NEGR1: variants seen among roughly 807,000 people sequenced by gnomAD.
NEGR1 encodes IgLON family member 4.
A neutral mutation model predicts 40.9 loss-of-function variants in NEGR1; 10 were observed. The observed-to-expected ratio is 0.24, with a 90% CI of 0.15 to 0.42. The LOEUF (loss-of-function observed/expected upper bound fraction) is 0.42. Ranked by LOEUF, NEGR1 falls within the 10% of genes least tolerant of loss-of-function variation. NEGR1 has a pLI of 1.00. For synonymous variants in NEGR1, 185 were observed against 166.8 expected, an observed-to-expected ratio of 1.11 and a Z score of -0.84; for missense variants, 352 against 438.9, an observed-to-expected ratio of 0.80 and a Z score of 1.77.
intron 1 of NEGR1, among the ~76,000 whole-genome samples, chr1:72,174,431 CATTATAGT>C (rs1361279262): frequency 1.2e-4 from 18 of 152,090 alleles, no homozygotes; most frequent in Non-Finnish European, 1.9e-4. Flanking sequence ...ATGTATCCAC[CATTATAGT>C]ATTATAGAGC....
chr1:71,801,276 T>C (rs1362904387), intron 2 of NEGR1, among the ~76,000 whole-genome samples: 2 of 152,174 alleles, frequency 1.3e-5, no homozygotes, highest in African/African-American at 4.8e-5. Flanking sequence ...ATCTCAAGCA[T>C]AGATTGTTGG....
chr1:71,749,630 G>A (rs563299606), intron 3 of NEGR1, among the ~76,000 whole-genome samples: 11 of 152,078 alleles, frequency 7.2e-5, no homozygotes, highest in African/African-American at 2.2e-4. Context: ...TCCCCATCTC[G>A]CAGAAGCTAC....
intron 6 of NEGR1, among the ~76,000 whole-genome samples, chr1:71,443,909 AG>A (rs1433404938): frequency 6.6e-6 from 1 of 152,224 alleles, no homozygotes; most frequent in Non-Finnish European, 1.5e-5. Context: ...AGAGGATAAA[AG>A]TGAGAAGTTA....
chr1:71,708,881 G>T (rs1653989877), intron 3 of NEGR1, among the ~76,000 whole-genome samples: 1 of 152,138 alleles, frequency 6.6e-6, no homozygotes. Flanking sequence ...TGAGGATAAT[G>T]GCTTCCAGTT....
chr1:71,734,216 A>G (rs111427019), intron 3 of NEGR1, among the ~76,000 whole-genome samples: 4,610 of 152,316 alleles, frequency 0.03, 88 homozygotes, highest in Middle Eastern at 0.065. Flanking sequence ...TACTGGCTGC[A>G]CAAGTAAGAC....
chr1:71,662,189 A>G (rs1652081580), intron 4 of NEGR1, among the ~76,000 whole-genome samples: 1 of 152,218 alleles, frequency 6.6e-6, no homozygotes, highest in Non-Finnish European at 1.5e-5. Context: ...TGATCACTCT[A>G]AGCCTCAGTT....
chr1:71,556,988 G>C (rs1447420169), intron 6 of NEGR1, among the ~76,000 whole-genome samples: 1 of 151,586 alleles, frequency 6.6e-6, no homozygotes, highest in African/African-American at 2.4e-5. Context: ...ATTTTGCAAA[G>C]TATGAAAATG....
At chr1:72,039,248 G>A (rs993476716) in intron 1 of NEGR1, among the ~76,000 whole-genome samples, 1 of 151,976 alleles carries the variant, frequency 6.6e-6, no homozygotes, top group African/African-American at 2.4e-5. Flanking sequence ...ATTGTGCTAA[G>A]GACATTAGCT....
chr1:71,924,498 T>G (rs1286301744), intron 2 of NEGR1, among the ~76,000 whole-genome samples: 1 of 152,148 alleles, frequency 6.6e-6, no homozygotes, highest in Admixed American at 6.5e-5. Flanking sequence ...CTGTCCTTCC[T>G]CAAGTCTTCA....
intron 5 of NEGR1, among the ~76,000 whole-genome samples, chr1:71,597,472 CTG>C (rs1553152644): frequency 0.015 from 466 of 31,306 alleles, 4 homozygotes; most frequent in African/African-American, 0.043. Flanking sequence ...CTCTCTCTCT[CTG>C]TGTGTGTGTG....
chr1:72,126,252 C>A (rs1400912710), intron 1 of NEGR1, among the ~76,000 whole-genome samples: 2 of 151,940 alleles, frequency 1.3e-5, no homozygotes, highest in East Asian at 3.9e-4. Flanking sequence ...CTGACCTTTG[C>A]AAACTCCAAG....
chr1:71,947,787 A>G (rs11209874), intron 1 of NEGR1, among the ~76,000 whole-genome samples: 5,596 of 151,472 alleles, frequency 0.037, 347 homozygotes, highest in African/African-American at 0.13. Flanking sequence ...AAAAAAAAAA[A>G]ATATGGAAAT....
intron 3 of NEGR1, among the ~76,000 whole-genome samples, chr1:71,775,513 T>G (rs1474951928): frequency 1.3e-5 from 2 of 151,676 alleles, no homozygotes; most frequent in East Asian, 4.0e-4. Context: ...ACCCTTCTAA[T>G]TTTTGTATTT....
At chr1:72,187,036 A>G (rs1652637305) in intron 1 of NEGR1, among the ~76,000 whole-genome samples, 1 of 151,568 alleles carries the variant, frequency 6.6e-6, no homozygotes, top group South Asian at 2.1e-4. Context: ...TTCAAAGACA[A>G]TCTTTTAGGA....
At chr1:72,275,147 C>A (rs1259174417) in intron 1 of NEGR1, 5 of 677,730 alleles carry the variant, frequency 7.4e-6, no homozygotes, top group South Asian at 1.7e-5. Flanking sequence ...TACGATGCCA[C>A]CCATGTGTTT....
At chr1:71,530,824 A>C (rs894101095) in intron 6 of NEGR1, among the ~76,000 whole-genome samples, 6 of 151,196 alleles carry the variant, frequency 4.0e-5, no homozygotes, top group African/African-American at 1.5e-4. Context: ...AAGGCTAAGC[A>C]GTCCAAATTT....
chr1:71,793,267 T>TATATATATATATACATA (rs1657183144), intron 2 of NEGR1, among the ~76,000 whole-genome samples: 1 of 138,160 alleles, frequency 7.2e-6, no homozygotes, highest in Non-Finnish European at 1.5e-5. Flanking sequence ...TGAAACCATA[T>TATATATATATATACATA]ATATATATAT....
At chr1:71,766,827 G>C (rs4650121) in intron 3 of NEGR1, among the ~76,000 whole-genome samples, 113,445 of 151,948 alleles carry the variant, frequency 0.75, 44,268 homozygotes, top group East Asian at 0.86. Flanking sequence ...GTTCTTGTGA[G>C]AGAGTTCTCA....
Position 72,242,401 on chromosome 1 carries a change from C to CA in NEGR1, c.176+39917dup, listed in dbSNP as rs1368930902. Among the ~76,000 whole-genome samples the CA allele has an allele frequency of 1.6e-4, 24 of 151,434 alleles. No individual in the cohort carries two copies. In the Admixed American group the frequency reaches 1.6e-3, roughly 10 times the overall value. Reference sequence around the variant, plus strand: ...TTTTCATTAATAGAATTTTAGTACTCATATTTAAATGGCAGAGACCATATC... The same window carrying CA: ...TTTTCATTAATAGAATTTTAGTACTCAATATTTAAATGGCAGAGACCATATC... On this transcript the variant is annotated intron_variant, in intron 1 of 6. Transcript: ENST00000357731.
Sources: gnomAD v4.1 joint callset for allele counts (sites outside exome capture counted in the v4.1 genomes callset) on GRCh38, gnomAD v4.1.1 for gene constraint, MANE v1.5 for transcripts, NCBI Gene and HGNC (gene_info 2026-07-23, HGNC 2026-07-21) for gene names.